MYH11: variants seen among roughly 807,000 people sequenced by gnomAD.
MYH11 encodes the protein myosin heavy chain 11, also known as myosin-11.
In MYH11, 80 loss-of-function variants were observed where a neutral mutation model predicts 246.6. The observed-to-expected ratio is 0.32, with a 90% CI of 0.27 to 0.39. The LOEUF is 0.39. Ranked by LOEUF, MYH11 falls within the 10% of genes least tolerant of loss-of-function variation. The pLI, the probability that MYH11 is intolerant of heterozygous loss-of-function variation, is 1.00. For synonymous variants in MYH11, 1,071 were observed against 1,015.5 expected (o/e 1.05, Z -1.04); for missense variants, 2,158 against 2,546.8 (o/e 0.85, Z 3.29).
At chr16:15,743,101 T>A (rs1442798670) in intron 20 of MYH11, among the ~76,000 whole-genome samples, 1 of 151,942 alleles carries the variant, frequency 6.6e-6, no homozygotes, top group African/African-American at 2.4e-5. Context: ...AACTCATCAT[T>A]CAGCTAGGAC....
intron 3 of MYH11, among the ~76,000 whole-genome samples, chr16:15,805,740 T>C (rs1379223583): frequency 6.6e-6 from 1 of 151,790 alleles, no homozygotes; most frequent in Non-Finnish European, 1.5e-5. Flanking sequence ...GGTGAAACCC[T>C]ATCTCTACAA....
At chr16:15,759,770 C>G (rs1348029042) in intron 11 of MYH11, 42 bp from the exon 12 acceptor site, 1 of 1,611,416 alleles carries the variant, frequency 6.2e-7, no homozygotes, top group Non-Finnish European at 8.5e-7. Context: ...TCTCAATGGG[C>G]TCCATTTTCA....
intron 31 of MYH11, 74 bp from the exon 32 acceptor site, chr16:15,721,708 A>T: frequency 6.7e-7 from 1 of 1,499,476 alleles, no homozygotes; most frequent in Non-Finnish European, 9.3e-7. Flanking sequence ...ATACCGGGGG[A>T]AGCCCTGTGT....
At position 15,763,696 on chromosome 16, in the gene MYH11, C is replaced by T. The variant is rs564491289; in HGVS notation, c.1129+100G>A. On this transcript the variant is annotated intron_variant, in intron 10 of 40. Coordinates refer to ENST00000300036, the MANE Select transcript of MYH11 (RefSeq NM_002474.3). ...ACCTAGTCCAACTGTTGTTAAAATCCCAGATACCTTCACCTTGAAAAATAA... is the reference window on the plus strand; with the variant it reads ...ACCTAGTCCAACTGTTGTTAAAATCTCAGATACCTTCACCTTGAAAAATAA... The T allele has an allele frequency of 3.8e-5, 39 of 1,025,842 alleles. No individual in the cohort carries two copies. The Middle Eastern group carries it at 6.2e-4, about 16-fold the overall frequency. The allele number at this position is 1,025,842 out of a possible 1,614,324, so 63.5% of individuals were successfully genotyped here.
intron 36 of MYH11, 77 bp from the exon 37 acceptor site, chr16:15,718,515 T>G: frequency 2.6e-6 from 4 of 1,518,716 alleles, no homozygotes; most frequent in Non-Finnish European, 3.5e-6. Context: ...GAGTCATGCC[T>G]CAGGGGTATT....
Position 15,703,987 on chromosome 16 carries a change from T to C in MYH11, c.*4A>G, listed in dbSNP as rs376561783. On this transcript the variant is annotated 3_prime_UTR_variant, in exon 41 of 41. Coordinates refer to ENST00000300036, the MANE Select transcript of MYH11 (RefSeq NM_002474.3). ...TGCCGTGGTGCAAAACTGTAGAAAG[T>C]TGCTTATTCACTGGCCTTGGTTCCA... 8 of 1,614,004 alleles carry C rather than the reference T, an allele frequency of 5.0e-6. No individual in the cohort carries two copies. The highest frequency in any genetic ancestry group is 6.8e-6 in the Non-Finnish European group (8 of 1,180,004).
intron 9 of MYH11, among the ~76,000 whole-genome samples, chr16:15,765,793 G>A (rs535470641): frequency 2.5e-4 from 38 of 152,306 alleles, no homozygotes; most frequent in African/African-American, 8.7e-4. Context: ...GCTGTTGACA[G>A]GGCTTGGAAA....
At chr16:15,743,642 A>G (rs1215863682) in intron 20 of MYH11, among the ~76,000 whole-genome samples, 1 of 152,166 alleles carries the variant, frequency 6.6e-6, no homozygotes, top group Non-Finnish European at 1.5e-5. Flanking sequence ...TCATGCACTT[A>G]TCACAGTTTG....
intron 2 of MYH11, among the ~76,000 whole-genome samples, chr16:15,836,955 C>T (rs1367660955): frequency 6.6e-6 from 1 of 151,944 alleles, no homozygotes; most frequent in Non-Finnish European, 1.5e-5. Flanking sequence ...AAACTCCTGA[C>T]CTCAAGTGAT....
intron 28 of MYH11, chr16:15,725,971 A>C: frequency 9.2e-6 from 3 of 325,274 alleles, no homozygotes; most frequent in African/African-American, 2.2e-5. Context: ...CCTACCCCCA[A>C]CCCCAGCTGG....
intron 10 of MYH11, among the ~76,000 whole-genome samples, chr16:15,763,584 GT>G (rs889021154): frequency 2.0e-5 from 3 of 151,032 alleles, no homozygotes; most frequent in South Asian, 2.1e-4. Context: ...TATTAGGTTT[GT>G]TTTTTTTTAA....
chr16:15,720,361 C>T (rs1308064430), intron 33 of MYH11, 49 bp from the exon 34 acceptor site: 1 of 1,586,920 alleles, frequency 6.3e-7, no homozygotes, highest in Non-Finnish European at 8.6e-7. Context: ...CCTGGGAGGT[C>T]CTTTGGCTCA....
intron 3 of MYH11, 108 bp downstream of exon 3, chr16:15,823,147 G>A: frequency 6.8e-7 from 1 of 1,468,082 alleles, no homozygotes. Flanking sequence ...AGTAACTCCT[G>A]GTCCCTCGCA....
At chr16:15,786,565 G>T in intron 5 of MYH11, 65 bp downstream of exon 5, 1 of 1,413,666 alleles carries the variant, frequency 7.1e-7, no homozygotes, top group Non-Finnish European at 1.0e-6. Context: ...TTTGTATCTC[G>T]GTTGGGCTGC....
intron 4 of MYH11, among the ~76,000 whole-genome samples, chr16:15,790,796 G>C (rs56230803): frequency 0.12 from 18,117 of 150,658 alleles, 1,208 homozygotes; most frequent in African/African-American, 0.16. Flanking sequence ...CCAGCAGCTG[G>C]GAAGAACCAC....
At chr16:15,722,985 C>G (rs1038651283) in intron 31 of MYH11, among the ~76,000 whole-genome samples, 1 of 152,104 alleles carries the variant, frequency 6.6e-6, no homozygotes, top group African/African-American at 2.4e-5. Context: ...CTCAAGTGAT[C>G]CACCTGCCTC....
At chr16:15,805,056 T>C (rs2042978444) in intron 3 of MYH11, among the ~76,000 whole-genome samples, 1 of 152,220 alleles carries the variant, frequency 6.6e-6, no homozygotes, top group African/African-American at 2.4e-5. Context: ...GGGAGTCAAC[T>C]CTTCTATGAT....
chr16:15,813,121 C>T lies in MYH11; in HGVS notation c.502+10134G>A, dbSNP rs140155437. ...GGTGGAGGTTGCAGTGAGCTGAGAT[C>T]GTGCCATTGCACTCCAGCCTGGGTG... On this transcript the variant is annotated intron_variant, in intron 3 of 40. Coordinates refer to ENST00000300036, the MANE Select transcript of MYH11 (RefSeq NM_002474.3). Among the ~76,000 whole-genome samples the T allele has an allele frequency of 1.9e-3, 277 of 149,108 alleles. 2 individuals carry two copies. The highest frequency in any genetic ancestry group is 0.015 in the Middle Eastern group (4 of 260).
chr16:15,720,238 C>T lies in MYH11; in HGVS notation c.4866G>A (p.Leu1622=), dbSNP rs538928013. ...GCTCCAGGTCTTTCAGGTCCCCTTC[C>T]AGCTTCTTCTTTGCTGCAGCTGCCA... is the stretch of plus-strand genomic sequence containing the variant. ...RALAAAAKKK[L]EGDLKDLELQ... is the part of the protein sequence containing the mutation. Residue 1622 remains leucine (L), a synonymous_variant, in exon 34 of 41, where the codon CTG becomes CTA. Transcript: ENST00000300036. 6 of 1,614,152 alleles carry T rather than the reference C, an allele frequency of 3.7e-6. No homozygotes were observed. Among genetic ancestry groups the T allele is most frequent in the Non-Finnish European group, 5.1e-6 (6 of 1,180,016 alleles).
Sources: allele counts gnomAD v4.1 joint callset (sites outside exome capture counted in the v4.1 genomes callset), GRCh38; gene constraint gnomAD v4.1.1; transcripts MANE v1.5; gene names NCBI Gene and HGNC (gene_info 2026-07-23, HGNC 2026-07-21).